Variants in ACTR6 observed in about 807,000 individuals in gnomAD.
The protein encoded by ACTR6 is actin-related protein 6.
A neutral mutation model predicts 52.5 loss-of-function variants in ACTR6; 50 were observed. The observed-to-expected ratio is 0.95, with a 90% CI of 0.76 to 1.20. ACTR6 has a LOEUF of 1.20. Ranked by LOEUF, ACTR6 falls within the 50% of genes most tolerant of loss-of-function variation. The pLI, the probability that ACTR6 is intolerant of heterozygous loss-of-function variation, is 0.00. For missense variants in ACTR6, 344 were observed against 472.4 expected, an observed-to-expected ratio of 0.73 and a Z score of 2.52; for synonymous variants, 135 against 147.2, an observed-to-expected ratio of 0.92 and a Z score of 0.60.
At position 100,223,881 on chromosome 12, in the gene ACTR6, G is replaced by A. The variant is rs982073307; in HGVS notation, c.1157G>A (p.Gly386Glu). 3 of 1,610,610 alleles carry A rather than the reference G, an allele frequency of 1.9e-6. No homozygotes were observed. The African/African-American group carries it at 4.0e-5, about 22-fold the overall frequency. ...VVTREDYEEN[G>E]HSVCEEKFDI ...ACAAGAGAAGATTACGAAGAAAATG[G>A]ACATAGCGTCTGTGAAGAGAAATTT... The change falls in exon 11 of 11, where the codon GGA becomes GAA. Residue 386 changes from glycine to glutamate, a missense_variant. Coordinates refer to ENST00000188312, the MANE Select transcript of ACTR6 (RefSeq NM_022496.5).
chr12:100,205,465 A>G (rs1000193578), intron 2 of ACTR6: 3 of 334,268 alleles, frequency 9.0e-6, no homozygotes, highest in African/African-American at 6.5e-5. Context: ...CACGTTCTGC[A>G]CATGTATCCC....
intron 8 of ACTR6, among the ~76,000 whole-genome samples, chr12:100,217,024 T>C (rs2096124384): frequency 6.6e-6 from 1 of 152,128 alleles, no homozygotes; most frequent in African/African-American, 2.4e-5. Flanking sequence ...GGAAGGAATA[T>C]TTTGTATGTG....
In ACTR6 at chr12:100,205,467, A is replaced by G. The variant is rs1028943373; in HGVS notation, c.187-209A>G. On this transcript the variant is annotated intron_variant, in intron 2 of 10. Transcript: ENST00000188312. ...TGTAGTAAACCTGCACGTTCTGCACATGTATCCCAGAATTTAAAGTATAAT... is the reference window on the plus strand; with the variant it reads ...TGTAGTAAACCTGCACGTTCTGCACGTGTATCCCAGAATTTAAAGTATAAT... The G allele has an allele frequency of 2.4e-5, 8 of 336,076 alleles. No homozygotes were observed. The East Asian group carries it at 3.7e-4, about 16-fold the overall frequency. 20.8% of individuals were successfully genotyped at this position (336,076 alleles called of 1,614,324 possible). A position where few individuals can be genotyped will look rare whatever the true frequency, so the allele number is the denominator to read the frequency against.
At chr12:100,201,046 C>T in intron 1 of ACTR6, 127 bp downstream of exon 1, 1 of 1,552,060 alleles carries the variant, frequency 6.4e-7, no homozygotes, top group Non-Finnish European at 8.7e-7. Flanking sequence ...AGAGGGATTC[C>T]CTGGTTGGAG....
chr12:100,223,295 C>T (rs1397372125), intron 10 of ACTR6, among the ~76,000 whole-genome samples: 3 of 151,736 alleles, frequency 2.0e-5, no homozygotes, highest in Admixed American at 1.3e-4. Flanking sequence ...GAGCTGAGAT[C>T]GTGCCACTGC....
At position 100,212,814 on chromosome 12, in the gene ACTR6, G is replaced by A. The variant is rs2096120893; in HGVS notation, c.750+286G>A. Reference sequence around the variant, plus strand: ...AGGTCAGGAGTTCAAAACCAGCCTGGCCAACATACTGAAACCCCGTCTCTA... The same window carrying A: ...AGGTCAGGAGTTCAAAACCAGCCTGACCAACATACTGAAACCCCGTCTCTA... On this transcript the variant is annotated intron_variant, in intron 8 of 10. Transcript: ENST00000188312. Among the ~76,000 whole-genome samples, 4 of 151,732 alleles carry A rather than the reference G, an allele frequency of 2.6e-5. No individual in the cohort carries two copies. In the South Asian group the frequency reaches 8.3e-4, roughly 32 times the overall value.
chr12:100,212,678 T>A (rs2096120798), intron 8 of ACTR6, 150 bp downstream of exon 8: 2 of 595,006 alleles, frequency 3.4e-6, no homozygotes, highest in East Asian at 5.6e-5. Context: ...AAATCAGTGA[T>A]ATTTCAAGTG....
intron 8 of ACTR6, among the ~76,000 whole-genome samples, chr12:100,214,799 G>C (rs1262670074): frequency 2.0e-5 from 3 of 152,128 alleles, no homozygotes; most frequent in African/African-American, 7.2e-5. Flanking sequence ...ACCTAGGCTG[G>C]CTTTCAGAAA....
chr12:100,218,627 T>G lies in ACTR6; in HGVS notation c.922+41T>G. The G allele has an allele frequency of 7.6e-7, 1 of 1,307,668 alleles. No homozygotes were observed. The highest frequency in any genetic ancestry group is 1.0e-6 in the Non-Finnish European group (1 of 1,000,004). 81.0% of individuals were successfully genotyped at this position (1,307,668 alleles called of 1,614,324 possible). ...AAAATACTAAAGAATTATAATTGTT[T>G]TAAAAACATCATAAGCCCTGTGAAC... On this transcript the variant is annotated intron_variant, in intron 9 of 10. Coordinates refer to ENST00000188312, the MANE Select transcript of ACTR6 (RefSeq NM_022496.5). This position sits in a 1 kb window ranked among gnomAD's most constrained non-coding sequence, Gnocchi z 4.2.
At chr12:100,220,579 A>G (rs2096127359) in intron 10 of ACTR6, among the ~76,000 whole-genome samples, 1 of 152,228 alleles carries the variant, frequency 6.6e-6, no homozygotes, top group Admixed American at 6.5e-5. Context: ...AATTTTTTAA[A>G]TTCTCCTTTA....
In ACTR6 at chr12:100,212,474, A is replaced by G; in HGVS notation, c.696A>G (p.Val232=). ...IAKLKGEENT[V]MIDYVLPDFS... ...GGTTGAAAGGAGAAGAAAATACAGT[A>G]ATGATAGACTATGTCTTGCCTGACT... Residue 232 remains valine (V), a synonymous_variant, in exon 8 of 11, where the codon GTA becomes GTG. Coordinates refer to ENST00000188312, the MANE Select transcript of ACTR6 (RefSeq NM_022496.5). 6.2e-7 allele frequency: 1 copy of G among 1,613,910 alleles called. No individual in the cohort carries two copies. The highest frequency in any genetic ancestry group is 8.5e-7 in the Non-Finnish European group (1 of 1,179,834).
At chr12:100,221,611 A>G (rs1293759966) in intron 10 of ACTR6, 1 of 152,082 alleles carries the variant, frequency 6.6e-6, no homozygotes, top group Non-Finnish European at 1.5e-5. Flanking sequence ...TTTTTATAAA[A>G]GCTTAATGCA....
intron 8 of ACTR6, among the ~76,000 whole-genome samples, chr12:100,216,812 T>C (rs1387311912): frequency 2.0e-5 from 3 of 152,222 alleles, no homozygotes; most frequent in East Asian, 1.9e-4. Context: ...TCTTTGTTAC[T>C]ATATAACAAT....
At chr12:100,201,518 C>T (rs532845272) in intron 1 of ACTR6, among the ~76,000 whole-genome samples, 1 of 152,196 alleles carries the variant, frequency 6.6e-6, no homozygotes, top group East Asian at 1.9e-4. Context: ...ATTAACAGAG[C>T]ATTAAAAAAA....
At chr12:100,201,094 T>C in intron 1 of ACTR6, 175 bp downstream of exon 1, 1 of 1,445,208 alleles carries the variant, frequency 6.9e-7, no homozygotes, top group Non-Finnish European at 9.1e-7. Flanking sequence ...TTGAAATTGA[T>C]TTTGGTTTTA....
At chr12:100,203,579 A>C (rs1410234976) in intron 1 of ACTR6, 1 of 150,042 alleles carries the variant, frequency 6.7e-6, no homozygotes, top group East Asian at 2.0e-4. Context: ...CTGGGATTAC[A>C]TGCTGTGAGC....
rs2096128421 is a variant in ACTR6 at position 100,221,659 on chromosome 12, G to A, written c.1061+1513G>A. 2 of 151,896 alleles carry A rather than the reference G, an allele frequency of 1.3e-5. 1 individual carries two copies. Among genetic ancestry groups the A allele is most frequent in the South Asian group, 4.2e-4 (2 of 4,816 alleles). 9.4% of individuals were successfully genotyped at this position (151,896 alleles called of 1,614,324 possible). Reference sequence around the variant, plus strand: ...ATAAAACATTTATTGGCCAGGTTTGGTGGCTCACACCTGTAATTCTACCAC... The same window carrying A: ...ATAAAACATTTATTGGCCAGGTTTGATGGCTCACACCTGTAATTCTACCAC... On this transcript the variant is annotated intron_variant, in intron 10 of 10. Transcript: ENST00000188312.
At chr12:100,210,471 C>G in intron 6 of ACTR6, 120 bp downstream of exon 6, 1 of 1,111,804 alleles carries the variant, frequency 9.0e-7, no homozygotes, top group Non-Finnish European at 1.3e-6. Context: ...GTAATCCCAG[C>G]ACATTGGGAG....
rs542450281 is a variant in ACTR6 at position 100,219,215 on chromosome 12, C to T, written c.922+629C>T. Among the ~76,000 whole-genome samples, 53 of 146,828 alleles carry T rather than the reference C, an allele frequency of 3.6e-4. 1 individual carries two copies. The highest frequency in any genetic ancestry group is 1.2e-3 in the African/African-American group (48 of 39,620). On this transcript the variant is annotated intron_variant, in intron 9 of 10. Coordinates refer to ENST00000188312, the MANE Select transcript of ACTR6 (RefSeq NM_022496.5). Reference sequence around the variant, plus strand: ...ATGCTGTCCATACATAATTATTTCACAGCTATTTTCATATTTCACATTTTA... The same window carrying T: ...ATGCTGTCCATACATAATTATTTCATAGCTATTTTCATATTTCACATTTTA...
Sources: gnomAD v4.1 joint callset for allele counts (sites outside exome capture counted in the v4.1 genomes callset) on GRCh38, gnomAD v4.1.1 for gene constraint, Gnocchi (gnomAD v3.1) non-coding constraint, MANE v1.5 for transcripts, NCBI Gene and HGNC (gene_info 2026-07-23, HGNC 2026-07-21) for gene names.